CFAP54: variants seen among roughly 807,000 people sequenced by gnomAD.
CFAP54 encodes the protein cilia- and flagella-associated protein 54.
A neutral mutation model predicts 370.4 loss-of-function variants in CFAP54; 290 were observed. The observed-to-expected ratio is 0.78, with a 90% CI of 0.71 to 0.86. The LOEUF is 0.86. CFAP54 is among the 40% of genes least tolerant of loss of function. The pLI is 0.00. For synonymous variants in CFAP54, 1,206 were observed against 1,236.5 expected (o/e 0.98, Z 0.52); for missense variants, 3,399 against 3,528.7 (o/e 0.96, Z 0.93).
chr12:96,874,317 A>C (rs1960236730), intron 67 of CFAP54, among the ~76,000 whole-genome samples: 1 of 152,188 alleles, frequency 6.6e-6, no homozygotes, highest in South Asian at 2.1e-4. Context: ...CAAAAGACAA[A>C]ATTCCAACAA....
At chr12:96,611,137 C>A (rs959747963) in intron 26 of CFAP54, among the ~76,000 whole-genome samples, 1 of 152,240 alleles carries the variant, frequency 6.6e-6, no homozygotes, top group Non-Finnish European at 1.5e-5. Context: ...AGGCACCCCC[C>A]AGTAGGGGCA....
intron 22 of CFAP54, among the ~76,000 whole-genome samples, chr12:96,584,337 A>C (rs1221205478): frequency 6.6e-6 from 1 of 151,998 alleles, no homozygotes; most frequent in Non-Finnish European, 1.5e-5. Flanking sequence ...GGTGGCACGC[A>C]CCTGTAATCC....
chr12:96,622,984 A>G (rs1956516163), intron 27 of CFAP54, among the ~76,000 whole-genome samples: 1 of 151,958 alleles, frequency 6.6e-6, no homozygotes, highest in Admixed American at 6.6e-5. Context: ...CTACTCTCAG[A>G]GTCTATCAGC....
intron 19 of CFAP54, among the ~76,000 whole-genome samples, chr12:96,568,801 A>G (rs1394292342): frequency 6.6e-6 from 1 of 152,088 alleles, no homozygotes; most frequent in African/African-American, 2.4e-5. Flanking sequence ...TAATCTCATC[A>G]GGTGTCTGTT....
Position 96,644,315 on chromosome 12 carries a change from A to G in CFAP54, c.4454A>G (p.Asn1485Ser), listed in dbSNP as rs568305503. The change falls in exon 33 of 68, where the codon AAC (asparagine) becomes AGC (serine). Residue 1485 changes from asparagine to serine, a missense_variant. Around this residue, in one of 3 missense-constraint regions of CFAP54, gnomAD observed 2,796 missense variants for 2,869.7 expected, o/e 0.97. Coordinates refer to ENST00000524981, the MANE Select transcript of CFAP54 (RefSeq NM_001306084.2). Reference protein sequence around the residue: ...LEEMPWRAQMNLYLAGAHFNL... With the variant: ...LEEMPWRAQMSLYLAGAHFNL... ...GAGATGCCCTGGAGAGCTCAGATGAACCTGTATCTAGCAGGTGCACACTTT... is the reference window on the plus strand; with the variant it reads ...GAGATGCCCTGGAGAGCTCAGATGAGCCTGTATCTAGCAGGTGCACACTTT... 6.8e-5 allele frequency: 104 copies of G among 1,536,022 alleles called. No individual in the cohort carries two copies. The African/African-American group carries it at 9.3e-4, about 14-fold the overall frequency.
intron 40 of CFAP54, among the ~76,000 whole-genome samples, chr12:96,681,787 C>T (rs982970728): frequency 5.3e-5 from 8 of 152,040 alleles, no homozygotes; most frequent in Non-Finnish European, 1.2e-4. Context: ...TTAGTAGAGA[C>T]GAGGTTTCAC....
intron 65 of CFAP54, among the ~76,000 whole-genome samples, chr12:96,822,321 A>T (rs1959043241): frequency 6.6e-6 from 1 of 152,190 alleles, no homozygotes; most frequent in Admixed American, 6.5e-5. Flanking sequence ...AAAAGTTTAG[A>T]ATATGTTTGC....
At chr12:96,550,348 G>A (rs1281143740) in intron 15 of CFAP54, among the ~76,000 whole-genome samples, 1 of 152,124 alleles carries the variant, frequency 6.6e-6, no homozygotes, top group Non-Finnish European at 1.5e-5. Flanking sequence ...AGGCCGAGGT[G>A]GGCAGATCAC....
At chr12:96,803,357 A>G (rs571593387) in intron 63 of CFAP54, among the ~76,000 whole-genome samples, 1 of 152,160 alleles carries the variant, frequency 6.6e-6, no homozygotes, top group East Asian at 1.9e-4. Context: ...GATGATCACC[A>G]TTCTAGCTGG....
At chr12:96,777,633 GC>G (rs1158562784) in intron 60 of CFAP54, among the ~76,000 whole-genome samples, 2 of 152,162 alleles carry the variant, frequency 1.3e-5, no homozygotes, top group African/African-American at 2.4e-5. Context: ...ACAGGTGTGA[GC>G]CACTGCGCCT....
intron 26 of CFAP54, among the ~76,000 whole-genome samples, chr12:96,619,813 T>C (rs1956464910): frequency 6.6e-6 from 1 of 152,318 alleles, no homozygotes; most frequent in South Asian, 2.1e-4. Flanking sequence ...TATTTCCTTA[T>C]AGGAAAACTT....
chr12:96,830,928 G>T (rs1959169097), intron 66 of CFAP54, among the ~76,000 whole-genome samples: 1 of 152,068 alleles, frequency 6.6e-6, no homozygotes, highest in Admixed American at 6.6e-5. Flanking sequence ...CACCTGCCTT[G>T]GTTTCCCAAT....
At position 96,658,016 on chromosome 12, in the gene CFAP54, CT is replaced by C; in HGVS notation, c.5238del (p.Phe1746LeufsTer3). ...NVVDLKWIHD[F>X]VLKSLEVLYQ... is the part of the protein sequence containing the mutation. ...TGGTTGATTTGAAATGGATCCACGACTTTGTATTAAAATCTCTGGAAGTTTT... is the reference window on the plus strand; with the variant it reads ...TGGTTGATTTGAAATGGATCCACGACTTGTATTAAAATCTCTGGAAGTTTT... On this transcript the variant is annotated frameshift_variant, in exon 37 of 68. Transcript: ENST00000524981. LOFTEE classifies it high-confidence loss of function. 1 of 1,613,654 alleles carries C rather than the reference CT, an allele frequency of 6.2e-7. No homozygotes were observed. The highest frequency in any genetic ancestry group is 8.5e-7 in the Non-Finnish European group (1 of 1,179,846).
At chr12:96,747,449 A>G (rs962198257) in intron 55 of CFAP54, among the ~76,000 whole-genome samples, 4 of 152,218 alleles carry the variant, frequency 2.6e-5, no homozygotes, top group African/African-American at 9.6e-5. Flanking sequence ...AAAATTGTTC[A>G]AGAAATATGT....
intron 62 of CFAP54, among the ~76,000 whole-genome samples, chr12:96,789,234 G>A (rs1022907938): frequency 6.6e-6 from 1 of 152,204 alleles, no homozygotes; most frequent in Admixed American, 6.5e-5. Flanking sequence ...GCAGAAATAG[G>A]CATGCCCAAA....
chr12:96,788,888 A>G (rs190690622), intron 62 of CFAP54, among the ~76,000 whole-genome samples: 6 of 152,302 alleles, frequency 3.9e-5, no homozygotes, highest in African/African-American at 1.4e-4. Flanking sequence ...TCTCTCCTAG[A>G]TACTGGGATA....
Position 96,846,858 on chromosome 12 carries a change from C to T in CFAP54, c.9172-13961C>T, listed in dbSNP as rs548570264. 4.6e-5 allele frequency among the ~76,000 whole-genome samples: 7 copies of T among 152,242 alleles called. No homozygotes were observed. In the South Asian group the frequency reaches 1.2e-3, roughly 27 times the overall value. On this transcript the variant is annotated intron_variant, in intron 66 of 67. Coordinates refer to ENST00000524981, the MANE Select transcript of CFAP54 (RefSeq NM_001306084.2). ...CATAATACCAGGTATGACAGTTGTG[C>T]AGCTTTTCCTGACACCAAGCAATTC... is the stretch of plus-strand genomic sequence containing the variant.
chr12:96,702,710 C>G (rs926635625), intron 46 of CFAP54, among the ~76,000 whole-genome samples: 1 of 152,138 alleles, frequency 6.6e-6, no homozygotes, highest in Non-Finnish European at 1.5e-5. Flanking sequence ...TAATTTGCAG[C>G]TTTCGAGCTT....
intron 22 of CFAP54, 27 bp from the exon 23 acceptor site, chr12:96,589,400 T>A: frequency 6.7e-7 from 1 of 1,486,488 alleles, no homozygotes; most frequent in South Asian, 1.2e-5. Context: ...ATAAAACTAT[T>A]ACATAAATAT....
Sources: gnomAD v4.1 joint callset for allele counts (sites outside exome capture counted in the v4.1 genomes callset) on GRCh38, gnomAD v4.1.1 for gene constraint, gnomAD v4.1.1 regional missense constraint, MANE v1.5 for transcripts, NCBI Gene and HGNC (gene_info 2026-07-23, HGNC 2026-07-21) for gene names.